The following NAXD variants were observed in gnomAD, a reference collection of about 807,000 sequenced individuals.
The protein encoded by NAXD is NAD(P)HX dehydratase, also known as ATP-dependent (S)-NAD(P)H-hydrate dehydratase.
Under a neutral mutation model 35.8 loss-of-function variants are expected in NAXD, and 22 were observed. The observed-to-expected ratio is 0.62, with a 90% confidence interval of 0.44 to 0.88. NAXD has a LOEUF of 0.88. Ranked by LOEUF, NAXD falls within the 40% of genes least tolerant of loss-of-function variation. The pLI is 0.00. For synonymous variants in NAXD, 189 were observed against 177.6 expected, an observed-to-expected ratio of 1.06 and a Z score of -0.51; for missense variants, 428 against 437.7, an observed-to-expected ratio of 0.98 and a Z score of 0.20.
At position 110,639,697 on chromosome 13, in the gene NAXD, A is replaced by G. The variant is rs7394; in HGVS notation, c.*1169A>G. On this transcript the variant is annotated 3_prime_UTR_variant, in exon 10 of 10. Coordinates refer to ENST00000680254, the MANE Select transcript of NAXD (RefSeq NM_001242882.2). ...GGTGTTCTCTTATACTTTCAGTAGC[A>G]TCTTTCCACAGCAAGGGCCAAACCC... 49,997 of 151,970 alleles carry G rather than the reference A, an allele frequency of 0.33. 8,737 individuals are homozygous for G. The highest frequency in any genetic ancestry group is 0.44 in the African/African-American group (18,036 of 41,406). 9.4% of individuals were successfully genotyped at this position (151,970 alleles called of 1,614,324 possible).
intron 1 of NAXD, among the ~76,000 whole-genome samples, chr13:110,616,578 A>G (rs1886065055): frequency 1.3e-5 from 2 of 152,260 alleles, no homozygotes; most frequent in Non-Finnish European, 2.9e-5. Flanking sequence ...TAAGGTAGAA[A>G]GAATTTAAAC....
intron 5 of NAXD, among the ~76,000 whole-genome samples, chr13:110,634,160 C>T (rs1886828909): frequency 6.6e-6 from 1 of 152,176 alleles, no homozygotes; most frequent in Non-Finnish European, 1.5e-5. Flanking sequence ...TGTTTGATGG[C>T]CTGATGTTGC....
intron 4 of NAXD, among the ~76,000 whole-genome samples, chr13:110,625,935 AG>A (rs940980212): frequency 6.6e-6 from 1 of 152,078 alleles, no homozygotes; most frequent in African/African-American, 2.4e-5. Flanking sequence ...GGCAGCAGGG[AG>A]GGGGCTGTGA....
intron 5 of NAXD, among the ~76,000 whole-genome samples, chr13:110,633,496 G>GA (rs899970832): frequency 1.2e-4 from 19 of 152,360 alleles, no homozygotes; most frequent in Non-Finnish European, 1.8e-4. Context: ...GTGGTGGGCT[G>GA]AAGGGCTCCT....
At chr13:110,637,314 C>G (rs945104436) in intron 9 of NAXD, 65 bp downstream of exon 9, 32 of 1,579,390 alleles carry the variant, frequency 2.0e-5, no homozygotes, top group Non-Finnish European at 2.6e-5. Flanking sequence ...GTTTCAGTAG[C>G]TCATGCGTTG....
intron 1 of NAXD, among the ~76,000 whole-genome samples, chr13:110,616,697 C>T (rs1866248573): frequency 2.0e-5 from 3 of 152,092 alleles, no homozygotes; most frequent in African/African-American, 7.2e-5. Flanking sequence ...GGAAGTAGTT[C>T]GTGTATATCT....
At chr13:110,633,054 A>T (rs551351967) in intron 5 of NAXD, among the ~76,000 whole-genome samples, 35 of 152,104 alleles carry the variant, frequency 2.3e-4, no homozygotes, top group South Asian at 1.5e-3. Flanking sequence ...TGGGTGGTCG[A>T]TGGGACTGGG....
intron 5 of NAXD, among the ~76,000 whole-genome samples, chr13:110,633,547 G>A (rs1321538728): frequency 5.1e-4 from 78 of 152,344 alleles, no homozygotes; most frequent in Non-Finnish European, 1.0e-3. Flanking sequence ...AGGAGGTGCT[G>A]AGAGCAAGCG....
intron 1 of NAXD, 102 bp downstream of exon 1, chr13:110,615,749 G>A (rs750555878): frequency 1.4e-6 from 2 of 1,469,506 alleles, no homozygotes; most frequent in African/African-American, 1.5e-5. Context: ...CCGCACTCGC[G>A]CTGTACGGGC....
chr13:110,637,275 A>C, intron 9 of NAXD, 26 bp downstream of exon 9: 1 of 1,613,282 alleles, frequency 6.2e-7, no homozygotes, highest in Non-Finnish European at 8.5e-7. Context: ...CATTTATTCT[A>C]CTTTGAAACC....
intron 9 of NAXD, chr13:110,637,893 C>A: frequency 2.0e-6 from 1 of 490,034 alleles, no homozygotes; most frequent in Non-Finnish European, 4.0e-6. Context: ...CTAGGTGTGT[C>A]CACATGAATT....
Position 110,637,016 on chromosome 13 carries a change from C to G in NAXD, c.719-113C>G, listed in dbSNP as rs938688942. Reference sequence around the variant, plus strand: ...GGCAGGATGTGAGTGGAGCCTCAGGCTGCTCCTGGAGGGTGTGGCTCTGCC... The same window carrying G: ...GGCAGGATGTGAGTGGAGCCTCAGGGTGCTCCTGGAGGGTGTGGCTCTGCC... On this transcript the variant is annotated intron_variant, in intron 8 of 9. Transcript: ENST00000680254. The G allele has an allele frequency of 4.0e-6, 5 of 1,241,298 alleles. No homozygotes were observed. The African/African-American group carries it at 7.7e-5, about 19-fold the overall frequency. The allele number at this position is 1,241,298 out of a possible 1,614,324, so 76.9% of individuals were successfully genotyped here. A position where few individuals can be genotyped will look rare whatever the true frequency, so the allele number is the denominator to read the frequency against.
Position 110,615,649 on chromosome 13 carries a change from T to A in NAXD, c.46+2T>A, listed in dbSNP as rs1886018075. On this transcript the variant is annotated splice_donor_variant, in intron 1 of 9. Coordinates refer to ENST00000680254, the MANE Select transcript of NAXD (RefSeq NM_001242882.2). LOFTEE classifies it high-confidence loss of function. ...GGGCAATCCGGGCTTGCAGACGAGG[T>A]AAGGTCGATTCCATTTGGCCCGGGG... 2 of 1,503,022 alleles carry A rather than the reference T, an allele frequency of 1.3e-6. No individual in the cohort carries two copies. Among genetic ancestry groups the A allele is most frequent in the South Asian group, 2.5e-5 (2 of 81,390 alleles). 93.1% of individuals were successfully genotyped at this position (1,503,022 alleles called of 1,614,324 possible).
chr13:110,633,473 C>T (rs1308568118), intron 5 of NAXD, among the ~76,000 whole-genome samples: 2 of 152,248 alleles, frequency 1.3e-5, no homozygotes, highest in Non-Finnish European at 2.9e-5. Flanking sequence ...CAGAAAGGGG[C>T]TCCCACAGTG....
intron 1 of NAXD, among the ~76,000 whole-genome samples, chr13:110,618,499 T>C (rs978419933): frequency 2.6e-5 from 4 of 152,216 alleles, no homozygotes; most frequent in Admixed American, 2.0e-4. Flanking sequence ...ATTCCCCCCG[T>C]GTTTTCTTCC....
At chr13:110,633,194 C>G (rs1167132476) in intron 5 of NAXD, among the ~76,000 whole-genome samples, 2 of 152,074 alleles carry the variant, frequency 1.3e-5, no homozygotes, top group East Asian at 3.9e-4. Flanking sequence ...CAGCTAAGGC[C>G]CGGTGAGAAA....
Position 110,637,136 on chromosome 13 carries a change from G to T in NAXD, c.726G>T (p.Val242=), listed in dbSNP as rs1390918666. Residue 242 remains valine (V), a synonymous_variant, in exon 9 of 10, where the codon GTG becomes GTT. Transcript: ENST00000680254. ...CACTTCTGCCCTGTGCAGTGCTTGT[G>T]TGCAGCCAGGAAGGCAGCAGCCGCA... is the stretch of plus-strand genomic sequence containing the variant. ...DILSNGQQVL[V]CSQEGSSRRC... is the part of the protein sequence containing the mutation. The T allele has an allele frequency of 6.2e-7, 1 of 1,613,246 alleles. No individual in the cohort carries two copies. The highest frequency in any genetic ancestry group is 1.1e-5 in the South Asian group (1 of 91,016).
Position 110,615,658 on chromosome 13 carries a change from T to TTCA in NAXD, c.46+13_46+14insATC. 1 of 1,514,468 alleles carries TTCA rather than the reference T, an allele frequency of 6.6e-7. No individual in the cohort carries two copies. The highest frequency in any genetic ancestry group is 1.4e-5 in the African/African-American group (1 of 70,066). 93.8% of individuals were successfully genotyped at this position (1,514,468 alleles called of 1,614,324 possible). ...GGGCTTGCAGACGAGGTAAGGTCGA[T>TTCA]TCCATTTGGCCCGGGGATGGTCACA... On this transcript the variant is annotated intron_variant, in intron 1 of 9. Transcript: ENST00000680254.
chr13:110,618,719 A>G (rs1466427430), intron 1 of NAXD, among the ~76,000 whole-genome samples: 1 of 150,980 alleles, frequency 6.6e-6, no homozygotes, highest in Non-Finnish European at 1.5e-5. Flanking sequence ...TGCAGGAAAA[A>G]TTGTATGTGT....
Sources: allele counts gnomAD v4.1 joint callset (sites outside exome capture counted in the v4.1 genomes callset), GRCh38; gene constraint gnomAD v4.1.1; transcripts MANE v1.5; gene names NCBI Gene and HGNC (gene_info 2026-07-23, HGNC 2026-07-21).